Variants in SPSB4 observed in about 807,000 individuals in gnomAD.
SPSB4 encodes the protein splA/ryanodine receptor domain and SOCS box containing 4, also known as SPRY domain-containing SOCS box protein 4.
In SPSB4, 21 loss-of-function variants were observed where a neutral mutation model predicts 20.9. The ratio of observed to expected loss-of-function variants is 1.01; its 90% CI spans 0.71 to 1.45. The LOEUF (loss-of-function observed/expected upper bound fraction) is 1.45, where lower values mean the gene tolerates loss of function less well. Among genes scored for constraint, SPSB4 ranks in the 40% most tolerant of loss-of-function variants. The pLI, the probability that SPSB4 is intolerant of heterozygous loss-of-function variation, is 0.00. For synonymous variants in SPSB4, 207 were observed against 183.8 expected, an observed-to-expected ratio of 1.13 and a Z score of -1.02; for missense variants, 399 against 399.2, an observed-to-expected ratio of 1.00 and a Z score of 0.00.
intron 2 of SPSB4, among the ~76,000 whole-genome samples, chr3:141,134,639 A>G (rs1939194881): frequency 6.6e-6 from 1 of 152,104 alleles, no homozygotes; most frequent in South Asian, 2.1e-4. Context: ...TTATATGTTA[A>G]ACCATCCCTG....
intron 2 of SPSB4, among the ~76,000 whole-genome samples, chr3:141,085,798 C>T (rs1398993354): frequency 6.6e-6 from 1 of 152,218 alleles, no homozygotes; most frequent in African/African-American, 2.4e-5. Context: ...GGTCTTCTGC[C>T]AGAAGGTCCC....
intron 2 of SPSB4, among the ~76,000 whole-genome samples, chr3:141,107,203 G>A (rs974511200): frequency 2.6e-5 from 4 of 152,206 alleles, no homozygotes; most frequent in Non-Finnish European, 4.4e-5. Flanking sequence ...TTACCTAAAG[G>A]GCAGGTGACG....
intron 2 of SPSB4, among the ~76,000 whole-genome samples, chr3:141,086,117 G>A (rs1037022743): frequency 6.6e-6 from 1 of 152,200 alleles, no homozygotes; most frequent in African/African-American, 2.4e-5. Context: ...AATACAGAAA[G>A]AATTTAAGGG....
At position 141,066,311 on chromosome 3, in the gene SPSB4, C is replaced by T. The variant is rs1195773534; in HGVS notation, c.207C>T (p.Asp69=). Residue 69 remains aspartate (D), a synonymous_variant, in exon 2 of 3, where the codon GAC becomes GAT. Transcript: ENST00000310546. Reference sequence around the variant, plus strand: ...GCTCGCTCAACGTCTTCGTCAAGGACGACGACCGGCTCACCTTCCACCGGC... The same window carrying T: ...GCTCGCTCAACGTCTTCGTCAAGGATGACGACCGGCTCACCTTCCACCGGC... The part of the protein sequence containing the change: ...EDRSLNVFVK[D]DDRLTFHRHP... The T allele has an allele frequency of 6.4e-7, 1 of 1,573,520 alleles. No individual in the cohort carries two copies.
At chr3:141,058,361 T>C (rs1035792901) in intron 1 of SPSB4, among the ~76,000 whole-genome samples, 2 of 152,204 alleles carry the variant, frequency 1.3e-5, no homozygotes, top group African/African-American at 4.8e-5. Context: ...TGCTCAGCCA[T>C]GATTGAAGCC....
intron 2 of SPSB4, among the ~76,000 whole-genome samples, chr3:141,141,144 A>T (rs1462562893): frequency 1.3e-5 from 2 of 152,210 alleles, no homozygotes; most frequent in African/African-American, 4.8e-5. Context: ...TGCGGGATAT[A>T]ATCTCCTGGT....
chr3:141,127,851 G>A (rs866419974), intron 2 of SPSB4, among the ~76,000 whole-genome samples: 4 of 152,324 alleles, frequency 2.6e-5, no homozygotes, highest in Middle Eastern at 3.4e-3. Context: ...CTTAGGCCCT[G>A]CAGTAGAACT....
chr3:141,108,260 G>A (rs1055652067), intron 2 of SPSB4, among the ~76,000 whole-genome samples: 2 of 152,108 alleles, frequency 1.3e-5, no homozygotes, highest in Non-Finnish European at 2.9e-5. Context: ...TGAAGGCCCC[G>A]ATGACACCTT....
chr3:141,075,566 C>T (rs1451453637), intron 2 of SPSB4, among the ~76,000 whole-genome samples: 1 of 152,106 alleles, frequency 6.6e-6, no homozygotes, highest in Non-Finnish European at 1.5e-5. Context: ...ACCTGGTGAC[C>T]TTCTTAAAAT....
chr3:141,116,335 G>T (rs1377566285), intron 2 of SPSB4, among the ~76,000 whole-genome samples: 2 of 152,222 alleles, frequency 1.3e-5, no homozygotes, highest in African/African-American at 4.8e-5. Context: ...GAACCCGTTA[G>T]TTGCTGCCCC....
chr3:141,102,274 A>T (rs760512874), intron 2 of SPSB4, among the ~76,000 whole-genome samples: 9 of 152,198 alleles, frequency 5.9e-5, no homozygotes, highest in Non-Finnish European at 1.2e-4. Context: ...TGTGCTAGGT[A>T]CTGAAGATAA....
At chr3:141,134,921 A>C (rs1173177683) in intron 2 of SPSB4, among the ~76,000 whole-genome samples, 1 of 151,458 alleles carries the variant, frequency 6.6e-6, no homozygotes, top group Non-Finnish European at 1.5e-5. Context: ...TTTAATTTGT[A>C]AATGAGGTAT....
chr3:141,097,309 G>A (rs1230159380), intron 2 of SPSB4, among the ~76,000 whole-genome samples: 3 of 152,218 alleles, frequency 2.0e-5, no homozygotes, highest in Non-Finnish European at 1.5e-5. Flanking sequence ...AGCTTCACTA[G>A]ACCCAGGGAT....
Position 141,066,751 on chromosome 3 carries a change from T to C in SPSB4, c.647T>C (p.Val216Ala), listed in dbSNP as rs1937893952. The C allele has an allele frequency of 6.3e-7, 1 of 1,591,558 alleles. No individual in the cohort carries two copies. Among genetic ancestry groups the C allele is most frequent in the Non-Finnish European group, 8.6e-7 (1 of 1,167,714 alleles). The change falls in exon 2 of 3, where the codon GTG (valine) becomes GCG (alanine). Residue 216 changes from valine (V) to alanine (A), a missense_variant. Physicochemically the swap from Val to Ala is moderately conservative, Grantham distance 64. Transcript: ENST00000310546. The stretch of plus-strand genomic sequence containing the variant: ...AAGCTGTACCCGGTGGTGAGTGCCG[T>C]GTGGGGCCACTGTGAAGTCACCATG... ...GKKLYPVVSA[V>A]WGHCEVTMRY...
intron 2 of SPSB4, among the ~76,000 whole-genome samples, chr3:141,072,573 G>C (rs541205185): frequency 1.3e-5 from 2 of 152,052 alleles, no homozygotes; most frequent in South Asian, 4.2e-4. Context: ...TTTGCCTTTC[G>C]TCATGAGTAA....
chr3:141,053,960 A>C (rs1286365876), intron 1 of SPSB4, among the ~76,000 whole-genome samples: 1 of 151,822 alleles, frequency 6.6e-6, no homozygotes, highest in African/African-American at 2.4e-5. Context: ...TCTTCCTTTT[A>C]CTCCAACACT....
intron 2 of SPSB4, among the ~76,000 whole-genome samples, chr3:141,141,741 C>T (rs927017454): frequency 1.1e-4 from 16 of 151,970 alleles, no homozygotes; most frequent in Admixed American, 8.5e-4. Flanking sequence ...CTGGTCTGTT[C>T]GGAATTTCTA....
intron 2 of SPSB4, among the ~76,000 whole-genome samples, chr3:141,069,402 GT>G (rs1937950340): frequency 6.6e-6 from 1 of 152,188 alleles, no homozygotes; most frequent in African/African-American, 2.4e-5. Context: ...GCTCTAGGGA[GT>G]CTCTGAGCAG....
chr3:141,054,303 G>A (rs1350848225), intron 1 of SPSB4, among the ~76,000 whole-genome samples: 1 of 152,174 alleles, frequency 6.6e-6, no homozygotes, highest in Non-Finnish European at 1.5e-5. Flanking sequence ...GCCGTAGATG[G>A]AGGTCACCAG....
Sources: allele counts gnomAD v4.1 joint callset (sites outside exome capture counted in the v4.1 genomes callset), GRCh38; gene constraint gnomAD v4.1.1; transcripts MANE v1.5; gene names NCBI Gene and HGNC (gene_info 2026-07-23, HGNC 2026-07-21).